The following SLC9B2 variants were observed in gnomAD, a reference collection of about 807,000 sequenced individuals.
The protein encoded by SLC9B2 is sodium/hydrogen exchanger 9B2.
SLC9B2 carries 39 observed loss-of-function variants against 52.2 expected under a neutral mutation model. The observed-to-expected ratio is 0.75, with a 90% CI of 0.58 to 0.98. The LOEUF (loss-of-function observed/expected upper bound fraction) is 0.98, where lower values mean the gene tolerates loss of function less well. Ranked by LOEUF, SLC9B2 falls within the 50% of genes least tolerant of loss-of-function variation. The pLI, the probability that SLC9B2 is intolerant of heterozygous loss-of-function variation, is 0.00. For missense variants in SLC9B2, 626 were observed against 637.5 expected, an observed-to-expected ratio of 0.98 and a Z score of 0.19; for synonymous variants, 214 against 227.0, an observed-to-expected ratio of 0.94 and a Z score of 0.51.
chr4:103,054,862 A>G (rs1397361918), intron 4 of SLC9B2, among the ~76,000 whole-genome samples: 1 of 152,172 alleles, frequency 6.6e-6, no homozygotes, highest in African/African-American at 2.4e-5. Context: ...TAGAAATACC[A>G]TTTGACCCAG....
Position 103,057,972 on chromosome 4 carries a change from C to A in SLC9B2, c.272-1G>T. Reference sequence around the variant, plus strand: ...GCCCACAGAAGAACAATGATGGTAACTGAAATAAACCAGGAATACTAGTTA... The same window carrying A: ...GCCCACAGAAGAACAATGATGGTAAATGAAATAAACCAGGAATACTAGTTA... On this transcript the variant is annotated splice_acceptor_variant, in intron 3 of 11. Coordinates refer to ENST00000394785, the MANE Select transcript of SLC9B2 (RefSeq NM_178833.7). LOFTEE classifies it high-confidence loss of function. The A allele has an allele frequency of 3.7e-6, 6 of 1,603,808 alleles. No homozygotes were observed. The highest frequency in any genetic ancestry group is 4.2e-6 in the Non-Finnish European group (5 of 1,177,674).
chr4:103,031,840 T>C, intron 9 of SLC9B2, 32 bp from the exon 10 acceptor site: 1 of 1,586,118 alleles, frequency 6.3e-7, no homozygotes, highest in Non-Finnish European at 8.6e-7. Context: ...CACAGATTTT[T>C]ATTATGTGAA....
intron 3 of SLC9B2, among the ~76,000 whole-genome samples, chr4:103,061,603 T>C (rs1477248283): frequency 6.6e-6 from 1 of 152,104 alleles, no homozygotes; most frequent in Non-Finnish European, 1.5e-5. Flanking sequence ...GGCACATGTA[T>C]ACATATGTAT....
chr4:103,047,305 T>C (rs1290196966), intron 6 of SLC9B2, 79 bp from the exon 7 acceptor site: 2 of 1,265,144 alleles, frequency 1.6e-6, no homozygotes, highest in Admixed American at 5.0e-5. Context: ...CTCCACTTTT[T>C]AGGGGTTATA....
intron 8 of SLC9B2, among the ~76,000 whole-genome samples, chr4:103,043,846 A>C (rs1419743540): frequency 6.6e-6 from 1 of 152,186 alleles, no homozygotes; most frequent in African/African-American, 2.4e-5. Context: ...TTTACATCAT[A>C]GGGTTTGTGT....
chr4:103,057,855 T>C lies in SLC9B2; in HGVS notation c.388A>G (p.Lys130Glu). 1 of 1,613,706 alleles carries C rather than the reference T, an allele frequency of 6.2e-7. No homozygotes were observed. The change falls in exon 4 of 12, where the codon AAA becomes GAA. Residue 130 changes from lysine (K) to glutamate (E), a missense_variant. Coordinates refer to ENST00000394785, the MANE Select transcript of SLC9B2 (RefSeq NM_178833.7). The stretch of plus-strand genomic sequence containing the variant: ...GGTAACTTAATAAGCCCCAAAAGTT[T>C]ACCACCAATGATGGCACAATAGAAT... ...ILFYCAIIGG[K>E]LLGLIKLPTL...
At chr4:103,072,830 A>T (rs1426851246) in intron 1 of SLC9B2, among the ~76,000 whole-genome samples, 2 of 152,232 alleles carry the variant, frequency 1.3e-5, no homozygotes, top group Admixed American at 6.5e-5. Context: ...GTGTCCCTCC[A>T]AAATTCAGAT....
intron 4 of SLC9B2, among the ~76,000 whole-genome samples, chr4:103,055,336 T>A (rs547568713): frequency 6.6e-6 from 1 of 152,090 alleles, no homozygotes; most frequent in Non-Finnish European, 1.5e-5. Context: ...CATGTATACA[T>A]ATGTAACTAA....
intron 4 of SLC9B2, among the ~76,000 whole-genome samples, chr4:103,057,584 G>A (rs1445697666): frequency 2.6e-5 from 4 of 151,996 alleles, no homozygotes; most frequent in Admixed American, 2.6e-4. Context: ...TGGGATTACA[G>A]GTGTGAACCA....
chr4:103,060,720 G>A (rs1399896708), intron 3 of SLC9B2, among the ~76,000 whole-genome samples: 1 of 151,586 alleles, frequency 6.6e-6, no homozygotes, highest in Non-Finnish European at 1.5e-5. Flanking sequence ...TGAAGCCTTA[G>A]GTTGAATGAG....
intron 10 of SLC9B2, among the ~76,000 whole-genome samples, chr4:103,031,268 T>G (rs1320137187): frequency 6.6e-6 from 1 of 152,144 alleles, no homozygotes; most frequent in Non-Finnish European, 1.5e-5. Context: ...GGCTTTTGAA[T>G]GTAGGAATAA....
intron 9 of SLC9B2, among the ~76,000 whole-genome samples, chr4:103,040,117 G>T (rs1743510074): frequency 6.6e-6 from 1 of 151,964 alleles, no homozygotes; most frequent in Non-Finnish European, 1.5e-5. Flanking sequence ...CACTAACAAA[G>T]AGCTCTTCAA....
At chr4:103,057,671 A>T in intron 4 of SLC9B2, 130 bp downstream of exon 4, 1 of 982,990 alleles carries the variant, frequency 1.0e-6, no homozygotes, top group Non-Finnish European at 1.5e-6. Context: ...CTCAAAATTT[A>T]ACAACTGGCT....
At chr4:103,046,450 C>T (rs1329849493) in intron 7 of SLC9B2, among the ~76,000 whole-genome samples, 1 of 152,106 alleles carries the variant, frequency 6.6e-6, no homozygotes, top group Non-Finnish European at 1.5e-5. Flanking sequence ...ACTTAAGTTC[C>T]TCTTTTACTA....
rs1168823854 is a variant in SLC9B2, at chr4:103,057,820, A to T, written c.423T>A (p.Pro141=). 2.5e-6 allele frequency: 4 copies of T among 1,613,692 alleles called. No homozygotes were observed. The highest frequency in any genetic ancestry group is 3.4e-6 in the Non-Finnish European group (4 of 1,179,946). ...ACTTACCAAGAAGAGAAGGCAGTGG[A>T]GGCAATGTAGGTAACTTAATAAGCC... ...LLGLIKLPTL[P]PLPSLLGMLL... Residue 141 remains proline (P), a synonymous_variant, in exon 4 of 12, where the codon CCT becomes CCA. Coordinates refer to ENST00000394785, the MANE Select transcript of SLC9B2 (RefSeq NM_178833.7).
chr4:103,061,573 T>C (rs1455607165), intron 3 of SLC9B2, among the ~76,000 whole-genome samples: 6 of 152,112 alleles, frequency 3.9e-5, no homozygotes. Context: ...GACGAGTTAA[T>C]GGGTGCTGCA....
intron 10 of SLC9B2, among the ~76,000 whole-genome samples, chr4:103,031,127 G>A (rs1376992074): frequency 6.6e-6 from 1 of 152,154 alleles, no homozygotes; most frequent in African/African-American, 2.4e-5. Context: ...TTCAGAAGGA[G>A]TAGCGGGAGA....
chr4:103,072,056 G>GTTTTTTTTTTTATTTTTTTT (rs1746690609), intron 1 of SLC9B2, among the ~76,000 whole-genome samples: 1 of 95,306 alleles, frequency 1.0e-5, no homozygotes, highest in African/African-American at 4.6e-5. Flanking sequence ...TGGCTTTCAT[G>GTTTTTTTTTTTATTTTTTTT]TTTTTTTTTT....
chr4:103,041,321 T>C (rs1743620532), intron 9 of SLC9B2, among the ~76,000 whole-genome samples: 1 of 152,204 alleles, frequency 6.6e-6, no homozygotes, highest in South Asian at 2.1e-4. Context: ...TTTTTAAAAA[T>C]GTTAATAGTT....
Sources: gnomAD v4.1 joint callset for allele counts (sites outside exome capture counted in the v4.1 genomes callset) on GRCh38, gnomAD v4.1.1 for gene constraint, MANE v1.5 for transcripts, NCBI Gene and HGNC (gene_info 2026-07-23, HGNC 2026-07-21) for gene names.